BMP6: variants seen among roughly 807,000 people sequenced by gnomAD.
BMP6 encodes the protein bone morphogenetic protein 6, also known as VG-1-R.
A neutral mutation model predicts 54.1 loss-of-function variants in BMP6; 17 were observed. That is an observed-to-expected ratio of 0.31 (90% CI 0.22 to 0.47). BMP6 has a LOEUF of 0.47. Ranked by LOEUF, BMP6 falls within the 20% of genes least tolerant of loss-of-function variation. BMP6 has a pLI of 1.00. For synonymous variants in BMP6, 328 were observed against 291.2 expected (o/e 1.13, Z -1.28); for missense variants, 720 against 690.4 (o/e 1.04, Z -0.48).
chr6:7,736,942 C>CT (rs1761964724), intron 1 of BMP6, among the ~76,000 whole-genome samples: 1 of 152,146 alleles, frequency 6.6e-6, no homozygotes, highest in African/African-American at 2.4e-5. Flanking sequence ...AATCCCAGCA[C>CT]TTTGGGAGGC....
intron 1 of BMP6, among the ~76,000 whole-genome samples, chr6:7,785,737 A>G (rs191558654): frequency 3.5e-4 from 53 of 152,308 alleles, no homozygotes; most frequent in African/African-American, 1.1e-3. Context: ...ATGGCTGAAA[A>G]AACACTTGTA....
rs548829541 is a variant in BMP6, at chr6:7,805,708, T to C, written c.665-39432T>C. ...GTGTCAATATTTGGTACAAGAGCTC[T>C]TCCGTTTTAAAAGAGCAACTTGTAA... On this transcript the variant is annotated intron_variant, in intron 1 of 6. Coordinates refer to ENST00000283147, the MANE Select transcript of BMP6 (RefSeq NM_001718.6). Among the ~76,000 whole-genome samples the C allele has an allele frequency of 5.3e-5, 8 of 152,336 alleles. No individual in the cohort carries two copies. The East Asian group carries it at 1.5e-3, about 29-fold the overall frequency.
intron 1 of BMP6, among the ~76,000 whole-genome samples, chr6:7,816,194 G>GT (rs1431547313): frequency 2.8e-4 from 42 of 152,310 alleles, no homozygotes; most frequent in African/African-American, 8.7e-4. Context: ...CATTAATTGA[G>GT]TATGTATTCT....
chr6:7,774,916 G>A (rs796872430), intron 1 of BMP6, among the ~76,000 whole-genome samples: 5 of 152,266 alleles, frequency 3.3e-5, no homozygotes, highest in African/African-American at 1.2e-4. Context: ...CATCTGATGA[G>A]GGCCTTCTTG....
At chr6:7,741,964 C>T (rs1294610728) in intron 1 of BMP6, among the ~76,000 whole-genome samples, 2 of 152,206 alleles carry the variant, frequency 1.3e-5, no homozygotes, top group Admixed American at 6.5e-5. Flanking sequence ...TTTCCTTCAT[C>T]GATACCCAAT....
At chr6:7,814,811 G>A (rs1477227002) in intron 1 of BMP6, among the ~76,000 whole-genome samples, 1 of 152,034 alleles carries the variant, frequency 6.6e-6, no homozygotes, top group African/African-American at 2.4e-5. Context: ...CACATACCGG[G>A]GCCTGTCGGG....
At chr6:7,799,994 G>A (rs1298935933) in intron 1 of BMP6, among the ~76,000 whole-genome samples, 1 of 151,830 alleles carries the variant, frequency 6.6e-6, no homozygotes, top group Non-Finnish European at 1.5e-5. Flanking sequence ...TCTACTGCAC[G>A]GTTCTTTTGG....
intron 1 of BMP6, among the ~76,000 whole-genome samples, chr6:7,808,771 C>G (rs2113207742): frequency 6.6e-6 from 1 of 151,760 alleles, no homozygotes; most frequent in South Asian, 2.1e-4. Flanking sequence ...AAAAATTAGC[C>G]AGTGTGGTGG....
At chr6:7,741,306 T>C (rs1236380152) in intron 1 of BMP6, among the ~76,000 whole-genome samples, 1 of 152,116 alleles carries the variant, frequency 6.6e-6, no homozygotes, top group Non-Finnish European at 1.5e-5. Flanking sequence ...TTATTATTAT[T>C]ATTTTTGTAG....
chr6:7,822,897 T>TGTGTGTGTGTG (rs915176611), intron 1 of BMP6, among the ~76,000 whole-genome samples: 1 of 121,296 alleles, frequency 8.2e-6, no homozygotes, highest in African/African-American at 3.1e-5. Context: ...TTGGTGCTGG[T>TGTGTGTGTGTG]TGTGTGTGTG....
intron 1 of BMP6, among the ~76,000 whole-genome samples, chr6:7,728,885 T>C (rs185416341): frequency 6.6e-6 from 1 of 152,342 alleles, no homozygotes; most frequent in East Asian, 1.9e-4. Flanking sequence ...GTAGACTATC[T>C]GGGTGATTTC....
intron 1 of BMP6, among the ~76,000 whole-genome samples, chr6:7,741,729 A>C (rs1210204608): frequency 6.6e-6 from 1 of 152,242 alleles, no homozygotes; most frequent in African/African-American, 2.4e-5. Flanking sequence ...CACCAGACCC[A>C]GCCTAGAGCA....
chr6:7,784,000 C>T (rs1433308883), intron 1 of BMP6, among the ~76,000 whole-genome samples: 1 of 152,184 alleles, frequency 6.6e-6, no homozygotes, highest in African/African-American at 2.4e-5. Flanking sequence ...GAGGCTAAAG[C>T]CATGGCCGAT....
At chr6:7,843,570 C>T (rs1759013061) in intron 1 of BMP6, among the ~76,000 whole-genome samples, 1 of 151,760 alleles carries the variant, frequency 6.6e-6, no homozygotes, top group East Asian at 1.9e-4. Flanking sequence ...ACCCACAAAC[C>T]TTGGGAAAAC....
At chr6:7,788,005 T>G (rs552336155) in intron 1 of BMP6, among the ~76,000 whole-genome samples, 1 of 152,324 alleles carries the variant, frequency 6.6e-6, no homozygotes, top group African/African-American at 2.4e-5. Context: ...CAGCCTGATA[T>G]AACTTTAAGT....
intron 1 of BMP6, among the ~76,000 whole-genome samples, chr6:7,789,536 C>A (rs114308059): frequency 2.9e-4 from 44 of 152,164 alleles, no homozygotes; most frequent in Non-Finnish European, 5.7e-4. Flanking sequence ...ACCCATGAGA[C>A]GGTAATTCAC....
intron 1 of BMP6, among the ~76,000 whole-genome samples, chr6:7,794,623 GAGA>G (rs1447742955): frequency 1.4e-5 from 2 of 142,528 alleles, no homozygotes; most frequent in African/African-American, 2.5e-5. Context: ...AAAAAAAAAG[GAGA>G]AGAAGAATGT....
chr6:7,861,421 AT>A, intron 2 of BMP6, 29 bp from the exon 3 acceptor site: 1 of 1,612,344 alleles, frequency 6.2e-7, no homozygotes, highest in East Asian at 2.2e-5. Context: ...GCAGTGCGCT[AT>A]TTACCAGGCC....
chr6:7,743,249 C>A (rs775710544), intron 1 of BMP6, among the ~76,000 whole-genome samples: 4 of 152,080 alleles, frequency 2.6e-5, no homozygotes, highest in Non-Finnish European at 5.9e-5. Context: ...TAGTTTATTG[C>A]TGTTTTGCTT....
Sources: allele counts gnomAD v4.1 joint callset (sites outside exome capture counted in the v4.1 genomes callset), GRCh38; gene constraint gnomAD v4.1.1; transcripts MANE v1.5; gene names NCBI Gene and HGNC (gene_info 2026-07-23, HGNC 2026-07-21).